The following INPP5A variants were observed in gnomAD, a reference collection of about 807,000 sequenced individuals.
INPP5A encodes the protein 43 kDa inositol polyphosphate 5-phophatase.
INPP5A carries 14 observed loss-of-function variants against 65.2 expected under a neutral mutation model. The ratio of observed to expected loss-of-function variants is 0.21; its 90% CI spans 0.14 to 0.34. The LOEUF (loss-of-function observed/expected upper bound fraction) is 0.34. INPP5A is among the 10% of genes least tolerant of loss of function. The pLI, the probability that INPP5A is intolerant of heterozygous loss-of-function variation, is 1.00. For missense variants in INPP5A, 431 were observed against 545.6 expected (o/e 0.79, Z 2.09); for synonymous variants, 207 against 208.3 (o/e 0.99, Z 0.05).
chr10:132,625,015 A>G (rs2072163557), intron 2 of INPP5A, among the ~76,000 whole-genome samples: 1 of 147,518 alleles, frequency 6.8e-6, no homozygotes, highest in Non-Finnish European at 1.5e-5. Flanking sequence ...CCCACGCCAC[A>G]GTCCACTCTC....
intron 9 of INPP5A, among the ~76,000 whole-genome samples, chr10:132,735,349 G>A (rs1846157634): frequency 6.6e-6 from 1 of 152,264 alleles, no homozygotes; most frequent in Non-Finnish European, 1.5e-5. Flanking sequence ...TGTGGACAGT[G>A]ACACAGTCGT....
chr10:132,755,865 G>C (rs1271373541), intron 11 of INPP5A, among the ~76,000 whole-genome samples: 1 of 152,160 alleles, frequency 6.6e-6, no homozygotes, highest in African/African-American at 2.4e-5. Flanking sequence ...GGAGTGTTCA[G>C]TGGTGACAGT....
chr10:132,598,484 C>T (rs768981333), intron 1 of INPP5A, among the ~76,000 whole-genome samples: 15 of 152,196 alleles, frequency 9.9e-5, no homozygotes, highest in East Asian at 1.9e-4. Context: ...CACATGAGTG[C>T]GATCATACAT....
chr10:132,722,844 A>T (rs1845911558), intron 8 of INPP5A, among the ~76,000 whole-genome samples: 1 of 152,128 alleles, frequency 6.6e-6, no homozygotes, highest in South Asian at 2.1e-4. Flanking sequence ...CATGATATTG[A>T]TGTGGGCCTA....
At position 132,777,782 on chromosome 10, in the gene INPP5A, G is replaced by T. The variant is rs750230157; in HGVS notation, c.1089G>T (p.Arg363=). The change falls in exon 13 of 16, where the codon CGG becomes CGT. Residue 363 remains arginine (R), a splice_region_variant and synonymous_variant. Coordinates refer to ENST00000368594, the MANE Select transcript of INPP5A (RefSeq NM_005539.5). ...MSPSAKELVL[R]SESEEKVVTY... The stretch of plus-strand genomic sequence containing the variant: ...CGTCTGCCAAGGAGCTGGTGCTGCG[G>T]GTGAGTGTGTGCTGCCCCAGCCCTG... 6.2e-7 allele frequency: 1 copy of T among 1,612,684 alleles called. No individual in the cohort carries two copies. Among genetic ancestry groups the T allele is most frequent in the Non-Finnish European group, 8.5e-7 (1 of 1,179,856 alleles).
intron 8 of INPP5A, among the ~76,000 whole-genome samples, chr10:132,715,503 A>G (rs77123894): frequency 9.2e-5 from 14 of 152,214 alleles, no homozygotes; most frequent in Non-Finnish European, 2.1e-4. Context: ...ATTCCAAGCA[A>G]TTAGTTTCCC....
At position 132,627,680 on chromosome 10, in the gene INPP5A, G is replaced by T. The variant is rs983965429; in HGVS notation, c.118-18188G>T. On this transcript the variant is annotated intron_variant, in intron 2 of 15. Transcript: ENST00000368594. The surrounding 1 kb of genome is among the most constrained non-coding windows in gnomAD (Gnocchi z 6.6). ...AGCACAGTGTGGTCCGGGGCTGGGG[G>T]TGTGAGATGGCTGGGATTATAGTGA... Among the ~76,000 whole-genome samples, 7 of 152,324 alleles carry T rather than the reference G, an allele frequency of 4.6e-5. No individual in the cohort carries two copies. The highest frequency in any genetic ancestry group is 1.7e-4 in the African/African-American group (7 of 41,570).
intron 9 of INPP5A, among the ~76,000 whole-genome samples, chr10:132,737,456 C>CGTGGACT (rs1846198520): frequency 6.6e-6 from 1 of 151,400 alleles, no homozygotes; most frequent in South Asian, 2.1e-4. Flanking sequence ...CTCCTACTGC[C>CGTGGACT]GTGGACTAAT....
At chr10:132,584,489 G>A (rs1350970304) in intron 1 of INPP5A, among the ~76,000 whole-genome samples, 1 of 152,010 alleles carries the variant, frequency 6.6e-6, no homozygotes, top group Non-Finnish European at 1.5e-5. Context: ...ATTTTCTGAG[G>A]AAAACATAAA....
chr10:132,577,138 G>A (rs1339746156), intron 1 of INPP5A, among the ~76,000 whole-genome samples: 1 of 152,314 alleles, frequency 6.6e-6, no homozygotes, highest in East Asian at 1.9e-4. Flanking sequence ...GGGGGCAGAG[G>A]GACCCCCAGG....
In INPP5A at chr10:132,736,398, A is replaced by G. The variant is rs11146485; in HGVS notation, c.732+9493A>G. The stretch of plus-strand genomic sequence containing the variant: ...TCTTTGGAGGCTGGTGGCCATTTTT[A>G]ACAACCAGTTACCAATCACTGACAG... On this transcript the variant is annotated intron_variant, in intron 9 of 15. Coordinates refer to ENST00000368594, the MANE Select transcript of INPP5A (RefSeq NM_005539.5). 2.3e-3 allele frequency among the ~76,000 whole-genome samples: 345 copies of G among 152,324 alleles called. 13 individuals are homozygous for G. In the East Asian group the frequency reaches 0.062, roughly 27 times the overall value.
chr10:132,759,791 C>T (rs940196824), intron 11 of INPP5A, among the ~76,000 whole-genome samples: 1 of 152,100 alleles, frequency 6.6e-6, no homozygotes, highest in Non-Finnish European at 1.5e-5. Flanking sequence ...CCACGCCAGC[C>T]CATGGAGGTA....
intron 8 of INPP5A, 61 bp downstream of exon 8, chr10:132,710,517 G>T (rs1199208321): frequency 1.9e-6 from 3 of 1,580,676 alleles, no homozygotes; most frequent in Non-Finnish European, 1.7e-6. Flanking sequence ...GCAGGCAGGT[G>T]TGAGTGGAGA....
At chr10:132,778,345 A>C (rs1177048990) in intron 13 of INPP5A, among the ~76,000 whole-genome samples, 3 of 102,514 alleles carry the variant, frequency 2.9e-5, no homozygotes, top group African/African-American at 1.2e-4. Context: ...AAAAGAGGTG[A>C]TAGGGGCTTG....
chr10:132,693,829 C>G (rs188801089), intron 5 of INPP5A, among the ~76,000 whole-genome samples: 245 of 152,256 alleles, frequency 1.6e-3, no homozygotes, highest in Non-Finnish European at 3.0e-3. Flanking sequence ...TCCAAGAATA[C>G]ATAACAATCC....
At chr10:132,767,531 G>A (rs879616105) in intron 12 of INPP5A, among the ~76,000 whole-genome samples, 6 of 152,174 alleles carry the variant, frequency 3.9e-5, no homozygotes, top group Non-Finnish European at 7.4e-5. Context: ...CAAAGACACC[G>A]AGGCTCCCTG....
intron 9 of INPP5A, among the ~76,000 whole-genome samples, chr10:132,748,036 C>G (rs1846402899): frequency 6.6e-6 from 1 of 152,130 alleles, no homozygotes; most frequent in Non-Finnish European, 1.5e-5. Flanking sequence ...GATGACAGAT[C>G]AAGACCCTAT....
intron 2 of INPP5A, among the ~76,000 whole-genome samples, chr10:132,636,163 ATGTGTGTGTGTG>A (rs59663030): frequency 6.7e-6 from 1 of 149,612 alleles, no homozygotes; most frequent in Non-Finnish European, 1.5e-5. Flanking sequence ...GATAAACAAA[ATGTGTGTGTGTG>A]TGTGTGTGTG....
rs756357264 is a variant in INPP5A, at chr10:132,603,178, C to T, written c.76-4737C>T. Among the ~76,000 whole-genome samples the T allele has an allele frequency of 5.6e-4, 86 of 152,288 alleles. No homozygotes were observed. The highest frequency in any genetic ancestry group is 1.0e-3 in the Non-Finnish European group (70 of 68,020). On this transcript the variant is annotated intron_variant, in intron 1 of 15. Transcript: ENST00000368594. This position sits in a 1 kb window ranked among gnomAD's most constrained non-coding sequence, Gnocchi z 4.2. ...AAGCTACAAAGGGGAAGAGTTGGGC[C>T]TTCTGGGCGGCTGTGGGCCAGGCTG...
Sources: gnomAD v4.1 joint callset for allele counts (sites outside exome capture counted in the v4.1 genomes callset) on GRCh38, gnomAD v4.1.1 for gene constraint, Gnocchi (gnomAD v3.1) non-coding constraint, MANE v1.5 for transcripts, NCBI Gene and HGNC (gene_info 2026-07-23, HGNC 2026-07-21) for gene names.